Variants in CLEC4E observed in about 807,000 individuals in gnomAD.
CLEC4E encodes the protein C-type lectin domain family 4 member E, also known as C-type (calcium dependent, carbohydrate-recognition domain) lectin, superfamily member 9.
Under a neutral mutation model 24.7 loss-of-function variants are expected in CLEC4E, and 21 were observed. The ratio of observed to expected loss-of-function variants is 0.85; its 90% CI spans 0.60 to 1.22. The LOEUF is 1.22. Ranked by LOEUF, CLEC4E falls within the 50% of genes most tolerant of loss-of-function variation. CLEC4E has a pLI of 0.00. For synonymous variants in CLEC4E, 94 were observed against 85.7 expected, an observed-to-expected ratio of 1.10 and a Z score of -0.54; for missense variants, 249 against 254.1, an observed-to-expected ratio of 0.98 and a Z score of 0.14.
rs199850652 is a variant in CLEC4E at position 8,539,914 on chromosome 12, C to T, written c.71G>A (p.Trp24Ter). 1.1e-4 allele frequency: 170 copies of T among 1,611,532 alleles called. 1 individual carries two copies. Among genetic ancestry groups the T allele is most frequent in the Non-Finnish European group, 1.4e-4 (166 of 1,177,844 alleles). The change falls in exon 2 of 6, where the codon TGG becomes TAG. Residue 24 changes from tryptophan (W) to a stop codon, truncating the protein, a stop_gained. Transcript: ENST00000299663. LOFTEE classifies it high-confidence loss of function. ...RGCFSSQMFLWTVAGIPILFL... is the reference protein window; with the variant it reads ...RGCFSSQMFL ...TAGGATGGGGATCCCAGCAACAGTC[C>T]ATAAGAACATTTGGGAAGAGAAGCA...
intron 2 of CLEC4E, 118 bp from the exon 3 acceptor site, chr12:8,539,424 CT>C (rs1940664357): frequency 1.4e-6 from 1 of 693,558 alleles, no homozygotes. Flanking sequence ...TTACAATCTG[CT>C]TTTTCTTACG....
chr12:8,539,346 G>T (rs541299751), intron 2 of CLEC4E, 40 bp from the exon 3 acceptor site: 1 of 1,303,562 alleles, frequency 7.7e-7, no homozygotes, highest in Admixed American at 2.0e-5. Context: ...GTCTTATTTC[G>T]GTTAAAAATG....
At chr12:8,538,020 G>A (rs112096261) in intron 3 of CLEC4E, among the ~76,000 whole-genome samples, 210 of 152,310 alleles carry the variant, frequency 1.4e-3, no homozygotes, top group African/African-American at 4.7e-3. Flanking sequence ...TGACGCCAGC[G>A]TCTGGGAAGA....
intron 3 of CLEC4E, among the ~76,000 whole-genome samples, chr12:8,537,711 T>C (rs745651788): frequency 3.3e-5 from 5 of 152,210 alleles, no homozygotes; most frequent in Non-Finnish European, 7.3e-5. Context: ...ACCCAGGCGC[T>C]GAGGCAAGAG....
intron 4 of CLEC4E, 68 bp downstream of exon 4, chr12:8,537,047 G>A (rs2136398515): frequency 3.4e-6 from 5 of 1,465,884 alleles, no homozygotes; most frequent in Non-Finnish European, 4.7e-6. Flanking sequence ...CAAGCACTGT[G>A]CATATGTATG....
chr12:8,534,606 T>G lies in CLEC4E; in HGVS notation c.*32A>C, dbSNP rs781519351. ...GGTGTGGCCATGTTCTTGCTCTTCC[T>G]TCTTTACACATTTGAGTTGTGCCTT... On this transcript the variant is annotated 3_prime_UTR_variant, in exon 6 of 6. Coordinates refer to ENST00000299663, the MANE Select transcript of CLEC4E (RefSeq NM_014358.4). 2.2e-5 allele frequency: 34 copies of G among 1,578,698 alleles called. No homozygotes were observed. Among genetic ancestry groups the G allele is most frequent in the Non-Finnish European group, 2.9e-5 (33 of 1,156,316 alleles).
Position 8,536,082 on chromosome 12 carries a change from G to A in CLEC4E, c.488+8C>T, listed in dbSNP as rs751335604. The A allele has an allele frequency of 6.4e-7, 1 of 1,568,194 alleles. No homozygotes were observed. The highest frequency in any genetic ancestry group is 1.1e-5 in the South Asian group (1 of 90,144). On this transcript the variant is annotated splice_region_variant and intron_variant, in intron 5 of 5. Transcript: ENST00000299663. ...TTCAAGAACTCCTCTCAATAGGAGG[G>A]TAATTACCTCAGAGACTTTGTCAAA...
Position 8,534,607 on chromosome 12 carries a change from T to C in CLEC4E, c.*31A>G, listed in dbSNP as rs769970179. ...GTGTGGCCATGTTCTTGCTCTTCCT[T>C]CTTTACACATTTGAGTTGTGCCTTC... On this transcript the variant is annotated 3_prime_UTR_variant, in exon 6 of 6. Coordinates refer to ENST00000299663, the MANE Select transcript of CLEC4E (RefSeq NM_014358.4). 3 of 1,582,888 alleles carry C rather than the reference T, an allele frequency of 1.9e-6. No individual in the cohort carries two copies. Among genetic ancestry groups the C allele is most frequent in the Non-Finnish European group, 2.6e-6 (3 of 1,158,792 alleles).
In CLEC4E at chr12:8,536,013, C is replaced by T. The variant is rs1292300608; in HGVS notation, c.488+77G>A. ...CTTCTCTTTCCTGCATTTAATACCA[C>T]CACCAATAATGGACCTGATCTATTG... On this transcript the variant is annotated intron_variant, in intron 5 of 5. Transcript: ENST00000299663. 7.7e-5 allele frequency: 63 copies of T among 820,332 alleles called. 1 individual carries two copies. The East Asian group carries it at 1.6e-3, about 21-fold the overall frequency. The allele number at this position is 820,332 out of a possible 1,614,324, so 50.8% of individuals were successfully genotyped here.
chr12:8,538,301 C>T (rs1412355303), intron 3 of CLEC4E, among the ~76,000 whole-genome samples: 2 of 152,244 alleles, frequency 1.3e-5, no homozygotes, highest in African/African-American at 4.8e-5. Flanking sequence ...CTGGCTCTGC[C>T]TTCTAGATAG....
chr12:8,539,199 C>T lies in CLEC4E; in HGVS notation c.220+18G>A. ...GTTGCTTTGTAAATTTTGATGTTCA[C>T]CTTTGGGACTATTATACCTGATCCA... On this transcript the variant is annotated intron_variant, in intron 3 of 5. Coordinates refer to ENST00000299663, the MANE Select transcript of CLEC4E (RefSeq NM_014358.4). 1 of 1,539,862 alleles carries T rather than the reference C, an allele frequency of 6.5e-7. No individual in the cohort carries two copies. Among genetic ancestry groups the T allele is most frequent in the Non-Finnish European group, 9.0e-7 (1 of 1,114,918 alleles).
chr12:8,534,588 C>A lies in CLEC4E; in HGVS notation c.*50G>T, dbSNP rs200399486. 4.1e-6 allele frequency: 6 copies of A among 1,473,040 alleles called. No individual in the cohort carries two copies. Among genetic ancestry groups the A allele is most frequent in the African/African-American group, 1.4e-5 (1 of 71,684 alleles). 91.2% of individuals were successfully genotyped at this position (1,473,040 alleles called of 1,614,324 possible). Reference sequence around the variant, plus strand: ...TTCTCGTGTGGGGCGGTGGGTGTGGCCATGTTCTTGCTCTTCCTTCTTTAC... The same window carrying A: ...TTCTCGTGTGGGGCGGTGGGTGTGGACATGTTCTTGCTCTTCCTTCTTTAC... On this transcript the variant is annotated 3_prime_UTR_variant, in exon 6 of 6. Transcript: ENST00000299663.
chr12:8,535,958 T>C, intron 5 of CLEC4E, 132 bp downstream of exon 5: 1 of 525,732 alleles, frequency 1.9e-6, no homozygotes, highest in Non-Finnish European at 3.5e-6. Context: ...TGGGTGCTTG[T>C]ACTTCTCCTT....
Position 8,534,724 on chromosome 12 carries a change from A to C in CLEC4E, c.574T>G (p.Trp192Gly), listed in dbSNP as rs1940589378. Residue 192 changes from tryptophan to glycine, a missense_variant, in exon 6 of 6, where the codon TGG (tryptophan) becomes GGG (glycine). Transcript: ENST00000299663. ...TTGAGGAAACAGGTTACATCATTCC[A>C]ATTTTGCCTTGGGTTTGAAGAGTCT... ...MRDSSNPRQN[W>G]NDVTCFLNYF... 2 of 1,613,982 alleles carry C rather than the reference A, an allele frequency of 1.2e-6. No homozygotes were observed. Among genetic ancestry groups the C allele is most frequent in the Non-Finnish European group, 1.7e-6 (2 of 1,179,924 alleles).
chr12:8,534,595 C>T lies in CLEC4E; in HGVS notation c.*43G>A. The T allele has an allele frequency of 5.2e-6, 8 of 1,540,434 alleles. No individual in the cohort carries two copies. Among genetic ancestry groups the T allele is most frequent in the South Asian group, 3.6e-5 (3 of 83,998 alleles). On this transcript the variant is annotated 3_prime_UTR_variant, in exon 6 of 6. Coordinates refer to ENST00000299663, the MANE Select transcript of CLEC4E (RefSeq NM_014358.4). ...GTGGGGCGGTGGGTGTGGCCATGTT[C>T]TTGCTCTTCCTTCTTTACACATTTG...
intron 2 of CLEC4E, 59 bp downstream of exon 2, chr12:8,539,796 G>C: frequency 9.4e-7 from 1 of 1,069,438 alleles, no homozygotes. Flanking sequence ...CAGCATGGAA[G>C]AGTTTTCTCC....
chr12:8,534,620 G>C lies in CLEC4E; in HGVS notation c.*18C>G, dbSNP rs770779385. 3 of 1,602,164 alleles carry C rather than the reference G, an allele frequency of 1.9e-6. No homozygotes were observed. Among genetic ancestry groups the C allele is most frequent in the Non-Finnish European group, 2.6e-6 (3 of 1,171,656 alleles). The stretch of plus-strand genomic sequence containing the variant: ...CTTGCTCTTCCTTCTTTACACATTT[G>C]AGTTGTGCCTTCTGTTCTTAAAGAG... On this transcript the variant is annotated 3_prime_UTR_variant, in exon 6 of 6. Transcript: ENST00000299663.
At chr12:8,536,068 C>G (rs1940608619) in intron 5 of CLEC4E, 22 bp downstream of exon 5, 4 of 1,463,972 alleles carry the variant, frequency 2.7e-6, no homozygotes, top group African/African-American at 2.8e-5. Context: ...TCAAGAACTC[C>G]TCTCAATAGG....
chr12:8,537,462 C>T (rs1157186556), intron 3 of CLEC4E, among the ~76,000 whole-genome samples, 196 bp from the exon 4 acceptor site: 2 of 152,250 alleles, frequency 1.3e-5, no homozygotes, highest in Middle Eastern at 3.4e-3. Flanking sequence ...GTCTTTTGAA[C>T]GTAATTCTCA....
Sources: allele counts gnomAD v4.1 joint callset (sites outside exome capture counted in the v4.1 genomes callset), GRCh38; gene constraint gnomAD v4.1.1; transcripts MANE v1.5; gene names NCBI Gene and HGNC (gene_info 2026-07-23, HGNC 2026-07-21).